Variants in PDE1C observed in about 807,000 individuals in gnomAD.
PDE1C encodes the protein phosphodiesterase 1C.
In PDE1C, 62 loss-of-function variants were observed where a neutral mutation model predicts 93.1. The ratio of observed to expected loss-of-function variants is 0.67; its 90% confidence interval spans 0.54 to 0.82. The LOEUF is 0.82. PDE1C is among the 40% of genes least tolerant of loss of function. PDE1C has a pLI of 0.00. For missense variants in PDE1C, 742 were observed against 884.6 expected (o/e 0.84, Z 2.04); for synonymous variants, 325 against 310.1 (o/e 1.05, Z -0.50).
At chr7:32,213,461 A>C (rs1180470038) in intron 1 of PDE1C, among the ~76,000 whole-genome samples, 1 of 152,230 alleles carries the variant, frequency 6.6e-6, no homozygotes, top group Non-Finnish European at 1.5e-5. Flanking sequence ...TTAAAGACTG[A>C]AACTAAAATT....
chr7:32,169,580 AACT>A (rs1376928620), intron 3 of PDE1C, among the ~76,000 whole-genome samples: 1 of 152,192 alleles, frequency 6.6e-6, no homozygotes, highest in African/African-American at 2.4e-5. Context: ...ACAGCAACTT[AACT>A]ACTGATAAGA....
At chr7:32,134,046 T>C (rs1584826889) in intron 3 of PDE1C, among the ~76,000 whole-genome samples, 2 of 151,736 alleles carry the variant, frequency 1.3e-5, no homozygotes, top group South Asian at 2.1e-4. Flanking sequence ...AAAAAGAATA[T>C]GACTATGGAA....
At chr7:31,960,925 C>T (rs1405781713) in intron 2 of PDE1C, among the ~76,000 whole-genome samples, 1 of 152,114 alleles carries the variant, frequency 6.6e-6, no homozygotes, top group Non-Finnish European at 1.5e-5. Context: ...CTCCTGAGTG[C>T]CTCCTGTTCA....
At chr7:32,391,494 A>C (rs1315143364) in intron 1 of PDE1C, among the ~76,000 whole-genome samples, 1 of 152,210 alleles carries the variant, frequency 6.6e-6, no homozygotes, top group Non-Finnish European at 1.5e-5. Flanking sequence ...ATCATCAAAC[A>C]ATTTAAGACA....
intron 9 of PDE1C, among the ~76,000 whole-genome samples, chr7:31,846,667 G>A (rs957321277): frequency 1.3e-5 from 2 of 152,206 alleles, no homozygotes; most frequent in East Asian, 3.9e-4. Flanking sequence ...CACAGCAAAA[G>A]AAACTATCAT....
chr7:32,018,177 T>C (rs1788164483), intron 2 of PDE1C, among the ~76,000 whole-genome samples: 1 of 151,872 alleles, frequency 6.6e-6, no homozygotes, highest in Non-Finnish European at 1.5e-5. Context: ...TTGGTGATTA[T>C]GCTGAGAAAT....
chr7:32,239,497 G>A (rs923357543), intron 1 of PDE1C, among the ~76,000 whole-genome samples: 1 of 152,132 alleles, frequency 6.6e-6, no homozygotes, highest in Non-Finnish European at 1.5e-5. Flanking sequence ...AAAGAACCCT[G>A]TAAGTCAATA....
At chr7:32,046,217 A>ATTT (rs1269938803) in intron 2 of PDE1C, among the ~76,000 whole-genome samples, 1 of 151,774 alleles carries the variant, frequency 6.6e-6, no homozygotes, top group African/African-American at 2.4e-5. Context: ...TTTTTTTAAA[A>ATTT]AAAAAAAAGA....
chr7:31,698,383 T>G, the PDE1C span, among the ~76,000 whole-genome samples: 9 of 152,186 alleles, frequency 5.9e-5, no homozygotes, highest in Non-Finnish European at 1.2e-4. Flanking sequence ...TACCTCTATC[T>G]ATCCCTTCGT....
chr7:31,911,124 T>G (rs1237128249), intron 2 of PDE1C, among the ~76,000 whole-genome samples: 1 of 152,188 alleles, frequency 6.6e-6, no homozygotes. Flanking sequence ...AAATTATTAG[T>G]GTTTTAACAA....
intron 2 of PDE1C, among the ~76,000 whole-genome samples, chr7:31,965,670 G>C (rs989443260): frequency 6.6e-6 from 1 of 152,178 alleles, no homozygotes; most frequent in African/African-American, 2.4e-5. Flanking sequence ...ATTCACCAAA[G>C]ATGAAATGAA....
At chr7:31,640,723 G>A in the PDE1C span, among the ~76,000 whole-genome samples, 1 of 151,796 alleles carries the variant, frequency 6.6e-6, no homozygotes, top group African/African-American at 2.4e-5. Context: ...TATTACTACA[G>A]CTTTCCAGAA....
chr7:32,125,989 G>T (rs1370045840), intron 3 of PDE1C, among the ~76,000 whole-genome samples: 2 of 152,058 alleles, frequency 1.3e-5, no homozygotes, highest in Non-Finnish European at 2.9e-5. Context: ...TGCAGAATTG[G>T]AACTATTGGG....
Position 32,014,242 on chromosome 7 carries a change from G to A in PDE1C, c.128+37312C>T, listed in dbSNP as rs371408261. Among the ~76,000 whole-genome samples, 328 of 152,180 alleles carry A rather than the reference G, an allele frequency of 2.2e-3. 1 individual carries two copies. The highest frequency in any genetic ancestry group is 0.02 in the Middle Eastern group (6 of 294). On this transcript the variant is annotated intron_variant, in intron 2 of 17. Transcript: ENST00000396191. Reference sequence around the variant, plus strand: ...AAATAAGGAAAACTCACATGCCAAAGGTATTAAATGTCAAGTCAGTAAGAA... The same window carrying A: ...AAATAAGGAAAACTCACATGCCAAAAGTATTAAATGTCAAGTCAGTAAGAA...
At chr7:32,123,686 G>A (rs1180287520) in intron 3 of PDE1C, among the ~76,000 whole-genome samples, 1 of 152,094 alleles carries the variant, frequency 6.6e-6, no homozygotes, top group Non-Finnish European at 1.5e-5. Flanking sequence ...CAATAAACTA[G>A]GCATTGATTG....
chr7:31,981,729 A>C (rs1237948404), intron 2 of PDE1C, among the ~76,000 whole-genome samples: 3 of 152,240 alleles, frequency 2.0e-5, no homozygotes, highest in Non-Finnish European at 2.9e-5. Context: ...AACACTACAC[A>C]CATATAGTTG....
At chr7:32,139,300 CTTTTTTTTTTTTT>C (rs34277412) in intron 3 of PDE1C, among the ~76,000 whole-genome samples, 1 of 82,922 alleles carries the variant, frequency 1.2e-5, no homozygotes, top group African/African-American at 4.8e-5. Context: ...CAAAATCAAC[CTTTTTTTTTTTTT>C]TTTTTTTTTT....
intron 15 of PDE1C, among the ~76,000 whole-genome samples, chr7:31,814,810 T>C (rs1386846758): frequency 1.3e-5 from 2 of 151,504 alleles, no homozygotes; most frequent in African/African-American, 4.9e-5. Context: ...TAGGTATTAC[T>C]ATATACATTG....
rs189775381 is a variant in PDE1C, at chr7:32,308,400, G to A, written c.311-98861C>T. 3.2e-3 allele frequency among the ~76,000 whole-genome samples: 436 copies of A among 134,722 alleles called. 2 individuals carry two copies. Among genetic ancestry groups the A allele is most frequent in the East Asian group, 0.015 (70 of 4,612 alleles). The allele number at this position is 134,722 out of a possible 152,430, so 88.4% of individuals were successfully genotyped here. ...AAGAGAGTAGTGGTTCTCCCAGCAC[G>A]CAGCTGGAGATCTGAGAACGGGCAG... On this transcript the variant is annotated intron_variant, in intron 1 of 1. Transcript: ENST00000672256.
Sources: gnomAD v4.1 joint callset for allele counts (sites outside exome capture counted in the v4.1 genomes callset) on GRCh38, gnomAD v4.1.1 for gene constraint, MANE v1.5 for transcripts, NCBI Gene and HGNC (gene_info 2026-07-23, HGNC 2026-07-21) for gene names.